PLEC: variants seen among roughly 807,000 people sequenced by gnomAD.
PLEC encodes the protein plectin.
Under a neutral mutation model 392.8 loss-of-function variants are expected in PLEC, and 216 were observed. The observed-to-expected ratio is 0.55, with a 90% CI of 0.49 to 0.62. The LOEUF (loss-of-function observed/expected upper bound fraction) is 0.62, where lower values mean the gene tolerates loss of function less well. PLEC is among the 20% of genes least tolerant of loss of function. The pLI, the probability that PLEC is intolerant of heterozygous loss-of-function variation, is 0.00. For synonymous variants in PLEC, 3,621 were observed against 2,980.6 expected (o/e 1.21, Z -7.00); for missense variants, 6,863 against 6,563.4 (o/e 1.05, Z -1.58).
chr8:143,934,670 T>C lies in PLEC; in HGVS notation c.1006A>G (p.Lys336Glu). The C allele has an allele frequency of 6.2e-7, 1 of 1,613,206 alleles. No individual in the cohort carries two copies. The highest frequency in any genetic ancestry group is 1.1e-5 in the South Asian group (1 of 91,090). ...TGGTAGATGCCCTTGGACCTGTTCT[T>C]GTCGGCCTCCTTGGCTGGTAGCTCC... ...EMELPAKEAD[K>E]NRSKGIYQSL... is the part of the protein sequence containing the mutation. Residue 336 changes from lysine to glutamate, a missense_variant, in exon 10 of 32, where the codon AAG (lysine) becomes GAG (glutamate). Physicochemically the swap from Lys to Glu is moderately conservative, Grantham distance 56. Coordinates refer to ENST00000345136, the MANE Select transcript of PLEC (RefSeq NM_201384.3).
Position 143,937,005 on chromosome 8 carries a change from T to C in PLEC, c.409A>G (p.Ile137Val), listed in dbSNP as rs782643284. Reference sequence around the variant, plus strand: ...TGGAAGTGCAGAATGATTGTCCAGATGAGGCCAAGGGTCAGCTTGGGGTTG... The same window carrying C: ...TGGAAGTGCAGAATGATTGTCCAGACGAGGCCAAGGGTCAGCTTGGGGTTG... ...DGNPKLTLGL[I>V]WTIILHFQIS... The change falls in exon 5 of 32, where the codon ATC becomes GTC. Residue 137 changes from isoleucine (I) to valine (V), a missense_variant. By Grantham distance (29) the Ile-to-Val change is conservative. Coordinates refer to ENST00000345136, the MANE Select transcript of PLEC (RefSeq NM_201384.3). The C allele has an allele frequency of 6.2e-7, 1 of 1,612,794 alleles. No individual in the cohort carries two copies. Among genetic ancestry groups the C allele is most frequent in the South Asian group, 1.1e-5 (1 of 91,090 alleles).
upstream of PLEC, among the ~76,000 whole-genome samples, chr8:143,975,842 C>T (rs1554745904): frequency 6.6e-6 from 1 of 152,118 alleles, no homozygotes; most frequent in Non-Finnish European, 1.5e-5. This position sits in a 1 kb window ranked among gnomAD's most constrained non-coding sequence, Gnocchi z 9.9. Flanking sequence ...ACTACCTTCA[C>T]TCAGATGCCG....
Position 143,924,114 on chromosome 8 carries a change from C to G in PLEC, c.5815G>C (p.Ala1939Pro). The G allele has an allele frequency of 6.3e-7, 1 of 1,598,680 alleles. No individual in the cohort carries two copies. The highest frequency in any genetic ancestry group is 8.5e-7 in the Non-Finnish European group (1 of 1,179,406). The change falls in exon 31 of 32, where the codon GCT becomes CCT. Residue 1939 changes from alanine (A) to proline (P), a missense_variant. By Grantham distance (27) the Ala-to-Pro change is conservative (BLOSUM62 -1). Coordinates refer to ENST00000345136, the MANE Select transcript of PLEC (RefSeq NM_201384.3). Reference protein sequence around the residue: ...ALKASFEKAAAGKAELELELG... With the variant: ...ALKASFEKAAPGKAELELELG... ...TCCAGCTCCAGCTCCGCCTTGCCAG[C>G]GGCCGCCTTCTCGAAGCTCGCCTTC...
At chr8:143,975,199 C>G, upstream of PLEC, 1 of 1,601,614 alleles carries the variant, frequency 6.2e-7, no homozygotes, top group Non-Finnish European at 8.5e-7. This position sits in a 1 kb window ranked among gnomAD's most constrained non-coding sequence, Gnocchi z 9.9. Flanking sequence ...TGACCGCCCG[C>G]TCAGCTGGGT....
chr8:143,917,318 T>C lies in PLEC; in HGVS notation c.12503A>G (p.Tyr4168Cys). Residue 4168 changes from tyrosine (Y) to cysteine (C), a missense_variant, in exon 32 of 32, where the codon TAC becomes TGC. Transcript: ENST00000345136. ...GCACTCCTGCTCGGACAGCTCCAGG[T>C]ACGTCTGGTGGTCAATCAGGCCCTT... is the stretch of plus-strand genomic sequence containing the variant. ...YRKGLIDHQT[Y>C]LELSEQECEW... 6.2e-7 allele frequency: 1 copy of C among 1,609,678 alleles called. No individual in the cohort carries two copies. Among genetic ancestry groups the C allele is most frequent in the Non-Finnish European group, 8.5e-7 (1 of 1,179,556 alleles).
upstream of PLEC, among the ~76,000 whole-genome samples, chr8:143,974,890 G>A (rs1401205163): frequency 1.3e-5 from 2 of 152,214 alleles, no homozygotes; most frequent in Non-Finnish European, 2.9e-5. This position sits in a 1 kb window ranked among gnomAD's most constrained non-coding sequence, Gnocchi z 5.9. Flanking sequence ...GGCCTGGTGG[G>A]GAACCCAAAA....
upstream of PLEC, among the ~76,000 whole-genome samples, chr8:143,952,737 C>T (rs1249589638): frequency 6.6e-6 from 1 of 152,200 alleles, no homozygotes; most frequent in Admixed American, 6.5e-5. Context: ...CTCTCCTACA[C>T]AGGCCTGCAG....
rs782055472 is a variant in PLEC at position 143,924,799 on chromosome 8, G to A, written c.5130C>T (p.Ala1710=). The stretch of plus-strand genomic sequence containing the variant: ...GCAGCCGGATCAACTCCTGCTCCGC[G>A]GCCAGGCGCTGCTGCGCGGTGCCTT... The part of the protein sequence containing the change: ...LAEGTAQQRL[A]AEQELIRLRA... The change falls in exon 31 of 32, where the codon GCC becomes GCT. Residue 1710 remains alanine (A), a synonymous_variant. Transcript: ENST00000345136. The A allele has an allele frequency of 5.9e-5, 90 of 1,537,642 alleles. No homozygotes were observed. Among genetic ancestry groups the A allele is most frequent in the African/African-American group, 4.4e-4 (32 of 73,124 alleles).
chr8:143,935,350 A>G lies in PLEC; in HGVS notation c.603-37T>C, dbSNP rs527478934. On this transcript the variant is annotated intron_variant, in intron 6 of 31. Coordinates refer to ENST00000345136, the MANE Select transcript of PLEC (RefSeq NM_201384.3). ...AGGTGGCTGGTCAGGTGGGTGGGACAAGACCAGCGGCCACACCACACAGGC... is the reference window on the plus strand; with the variant it reads ...AGGTGGCTGGTCAGGTGGGTGGGACGAGACCAGCGGCCACACCACACAGGC... The G allele has an allele frequency of 3.5e-6, 5 of 1,446,714 alleles. No homozygotes were observed. The South Asian group carries it at 4.6e-5, about 13-fold the overall frequency. 89.6% of individuals were successfully genotyped at this position (1,446,714 alleles called of 1,614,324 possible). A position where few individuals can be genotyped will look rare whatever the true frequency, so the allele number is the denominator to read the frequency against.
Position 143,924,791 on chromosome 8 carries a change from T to C in PLEC, c.5138A>G (p.Gln1713Arg), listed in dbSNP as rs781989571. Reference sequence around the variant, plus strand: ...CTCGGCCCGCAGCCGGATCAACTCCTGCTCCGCGGCCAGGCGCTGCTGCGC... The same window carrying C: ...CTCGGCCCGCAGCCGGATCAACTCCCGCTCCGCGGCCAGGCGCTGCTGCGC... Reference protein sequence around the residue: ...GTAQQRLAAEQELIRLRAETE... With the variant: ...GTAQQRLAAERELIRLRAETE... Residue 1713 changes from glutamine to arginine, a missense_variant, in exon 31 of 32, where the codon CAG becomes CGG. Coordinates refer to ENST00000345136, the MANE Select transcript of PLEC (RefSeq NM_201384.3). 6.5e-7 allele frequency: 1 copy of C among 1,536,090 alleles called. No homozygotes were observed.
rs1401118530 is a variant in PLEC at position 143,932,837 on chromosome 8, T to C, written c.1693A>G (p.Ile565Val). Reference sequence around the variant, plus strand: ...TCGATCTTGGCCCGGAATTCTTCGATGGACTGGTGCAGGCCTCGGTGGCTG... The same window carrying C: ...TCGATCTTGGCCCGGAATTCTTCGACGGACTGGTGCAGGCCTCGGTGGCTG... ...LGSHRGLHQS[I>V]EEFRAKIERA... The change falls in exon 14 of 32, where the codon ATC becomes GTC. Residue 565 changes from isoleucine to valine, a missense_variant. Ile to Val is a conservative substitution (Grantham distance 29, BLOSUM62 3). Coordinates refer to ENST00000345136, the MANE Select transcript of PLEC (RefSeq NM_201384.3). The C allele has an allele frequency of 3.1e-6, 5 of 1,612,452 alleles. No individual in the cohort carries two copies. Among genetic ancestry groups the C allele is most frequent in the Non-Finnish European group, 4.2e-6 (5 of 1,179,898 alleles).
Position 143,936,029 on chromosome 8 carries a change from G to C in PLEC, c.436-15C>G, listed in dbSNP as rs782722322. The stretch of plus-strand genomic sequence containing the variant: ...ATATCTGAGATCTGCTCACAGCAGA[G>C]AGGAGGCCACAGCTCAGCCACAGCC... On this transcript the variant is annotated splice_polypyrimidine_tract_variant and intron_variant, in intron 5 of 31. Transcript: ENST00000345136. The C allele has an allele frequency of 1.9e-6, 3 of 1,610,346 alleles. No homozygotes were observed. The highest frequency in any genetic ancestry group is 2.2e-5 in the South Asian group (2 of 91,084).
chr8:143,962,727 G>A (rs1430378293), intron 1 of PLEC, among the ~76,000 whole-genome samples: 3 of 152,200 alleles, frequency 2.0e-5, no homozygotes, highest in Non-Finnish European at 4.4e-5. Context: ...GTTCACTGTC[G>A]GGTGCTCAAC....
chr8:143,935,972 C>T lies in PLEC; in HGVS notation c.478G>A (p.Ala160Thr). The T allele has an allele frequency of 1.9e-6, 3 of 1,612,780 alleles. No homozygotes were observed. The highest frequency in any genetic ancestry group is 2.5e-6 in the Non-Finnish European group (3 of 1,179,950). ...GACCACAGCAGCAGCTTCTCCTTGG[C>T]CGTCATGTCCTCCGACTGCCCACTC... ...QVSGQSEDMTAKEKLLLWSQR... is the reference protein window; with the variant it reads ...QVSGQSEDMTTKEKLLLWSQR... The change falls in exon 6 of 32, where the codon GCC (alanine) becomes ACC (threonine). Residue 160 changes from alanine (A) to threonine (T), a missense_variant. Transcript: ENST00000345136.
At chr8:143,950,442 G>T in exon 1 of PLEC, 2 of 1,602,580 alleles carry the variant, frequency 1.2e-6, no homozygotes, top group Non-Finnish European at 1.7e-6. Flanking sequence ...ATCTCTGGCG[G>T]CAGGTGCAGG....
Position 143,917,041 on chromosome 8 carries a change from G to A in PLEC, c.12780C>T (p.Pro4260=), listed in dbSNP as rs782590185. 51 of 1,610,192 alleles carry A rather than the reference G, an allele frequency of 3.2e-5. No homozygotes were observed. Among genetic ancestry groups the A allele is most frequent in the African/African-American group, 5.3e-5 (4 of 74,888 alleles). The change falls in exon 32 of 32, where the codon CCC becomes CCT. Residue 4260 remains proline, a synonymous_variant. Transcript: ENST00000345136. ...VGSSSSYPIS[P]AVSRTQLASW... Reference sequence around the variant, plus strand: ...AGGCCAGCTGGGTCCTGGAGACGGCGGGGCTGATGGGGTAGGAGGAGGAGG... The same window carrying A: ...AGGCCAGCTGGGTCCTGGAGACGGCAGGGCTGATGGGGTAGGAGGAGGAGG...
chr8:143,929,474 C>T lies in PLEC; in HGVS notation c.3021G>A (p.Leu1007=). The change falls in exon 24 of 32, where the codon CTG becomes CTA. Residue 1007 remains leucine (L), a synonymous_variant. Transcript: ENST00000345136. ...CCGGCTCTTTGTCCAGCGGCAGCCGCAGGCGGTGCACGGTGCGCGTCTCAC... is the reference window on the plus strand; with the variant it reads ...CCGGCTCTTTGTCCAGCGGCAGCCGTAGGCGGTGCACGGTGCGCGTCTCAC... The part of the protein sequence containing the change: ...EACETRTVHR[L]RLPLDKEPAR... 1.9e-6 allele frequency: 3 copies of T among 1,601,794 alleles called. No homozygotes were observed. The African/African-American group carries it at 4.0e-5, about 21-fold the overall frequency.
intron 1 of PLEC, among the ~76,000 whole-genome samples, chr8:143,966,378 T>C (rs1464596427): frequency 6.6e-6 from 1 of 152,218 alleles, no homozygotes; most frequent in African/African-American, 2.4e-5. Context: ...TGCACCTCAG[T>C]GTCTGCACAC....
In PLEC at chr8:143,923,908, C is replaced by T. The variant is rs200338935; in HGVS notation, c.6021G>A (p.Ala2007=). The change falls in exon 31 of 32, where the codon GCG becomes GCA. Residue 2007 remains alanine (A), a synonymous_variant. Coordinates refer to ENST00000345136, the MANE Select transcript of PLEC (RefSeq NM_201384.3). The part of the protein sequence containing the change: ...EEEAARQRKA[A]LEEVERLKAK... Reference sequence around the variant, plus strand: ...CTTTCAGCCGCTCGACTTCCTCCAGCGCCGCCTTCCGCTGCCGTGCGGCCT... The same window carrying T: ...CTTTCAGCCGCTCGACTTCCTCCAGTGCCGCCTTCCGCTGCCGTGCGGCCT... 652 of 1,594,984 alleles carry T rather than the reference C, an allele frequency of 4.1e-4. 4 individuals carry two copies. The East Asian group carries it at 0.011, about 28-fold the overall frequency.
Sources: allele counts gnomAD v4.1 joint callset (sites outside exome capture counted in the v4.1 genomes callset), GRCh38; gene constraint gnomAD v4.1.1; non-coding constraint Gnocchi (gnomAD v3.1); transcripts MANE v1.5; gene names NCBI Gene and HGNC (gene_info 2026-07-23, HGNC 2026-07-21).